Variants in PRICKLE3 observed in about 807,000 individuals in gnomAD.
PRICKLE3 encodes the protein LIM domain only protein 6.
PRICKLE3 carries 17 observed loss-of-function variants against 33.8 expected under a neutral mutation model. That is an observed-to-expected ratio of 0.50 (90% CI 0.34 to 0.75). The LOEUF (loss-of-function observed/expected upper bound fraction) is 0.75, where lower values mean the gene tolerates loss of function less well. Ranked by LOEUF, PRICKLE3 falls within the 30% of genes least tolerant of loss-of-function variation. The pLI, the probability that PRICKLE3 is intolerant of heterozygous loss-of-function variation, is 0.01. For missense variants in PRICKLE3, 573 were observed against 576.7 expected (o/e 0.99, Z 0.07); for synonymous variants, 211 against 219.6 (o/e 0.96, Z 0.34).
Position 49,178,027 on chromosome X carries a change from G to A in PRICKLE3, c.921C>T (p.His307=), listed in dbSNP as rs144984281. The change falls in exon 7 of 9, where the codon CAC becomes CAT. Residue 307 remains histidine, a synonymous_variant. Transcript: ENST00000599218. ...CCCCACAGCCATCACAGTACTCCGC[G>A]TGGCGGGCCTCGTAGCAGGCGCAGC... ...PHCCACYEAR[H]AEYCDGCGEH... The A allele has an allele frequency of 3.6e-5, 41 of 1,154,137 alleles. No homozygotes were observed. The highest frequency in any genetic ancestry group is 2.3e-4 in the African/African-American group (13 of 55,654).
chrX:49,183,628 C>G (rs966302668), intron 3 of PRICKLE3, 106 bp downstream of exon 3: 1 of 1,167,089 alleles, frequency 8.6e-7, no homozygotes, highest in Admixed American at 2.5e-5. Flanking sequence ...ACTGCACACT[C>G]TAGCGTAGCC....
intron 2 of PRICKLE3, 106 bp downstream of exon 2, chrX:49,184,519 C>T (rs1314341148): frequency 1.4e-6 from 1 of 724,208 alleles, no homozygotes; most frequent in South Asian, 3.0e-5. Flanking sequence ...AACTGAGATC[C>T]CTCTGTAGGC....
chrX:49,180,120 C>T (rs1417971642), intron 3 of PRICKLE3, among the ~76,000 whole-genome samples: 8 of 103,236 alleles, frequency 7.7e-5, no homozygotes, highest in Non-Finnish European at 1.6e-4. Context: ...CTGCAACCTC[C>T]GCCTCCTGGG....
intron 1 of PRICKLE3, 53 bp from the exon 2 acceptor site, chrX:49,184,763 G>A (rs2065475054): frequency 5.2e-6 from 6 of 1,160,414 alleles, no homozygotes; most frequent in Non-Finnish European, 6.9e-6. Context: ...AAGCAGGGAA[G>A]GAGAAGTCAA....
intron 2 of PRICKLE3, 105 bp downstream of exon 2, chrX:49,184,520 C>T: frequency 1.3e-6 from 1 of 742,847 alleles, no homozygotes; most frequent in South Asian, 2.9e-5. Context: ...ACTGAGATCC[C>T]TCTGTAGGCG....
chrX:49,186,269 C>T lies in PRICKLE3; in HGVS notation c.29G>A (p.Arg10His), dbSNP rs782200119. The T allele has an allele frequency of 1.5e-5, 17 of 1,153,966 alleles. No homozygotes were observed. The highest frequency in any genetic ancestry group is 2.0e-5 in the Non-Finnish European group (17 of 867,259). MFARGSRRR[R>H]SGRAPPEAED... ...ACTCCCGCTCACCGCACGCCCGGAG[C>T]GGCGCCTCCGGGACCCACGCGCGAA... The change falls in exon 1 of 9, where the codon CGC becomes CAC. Residue 10 changes from arginine (R) to histidine (H), a missense_variant. Transcript: ENST00000599218.
In PRICKLE3 at chrX:49,177,149, G is replaced by A. The variant is rs781886999; in HGVS notation, c.1009C>T (p.Arg337Cys). ...CCACAGCGACTACAGCAGAAGCAGC[G>A]GTCTGAGGCATGCCAGTGCTGGCCC... ...YEGQHWHASD[R>C]CFCCSRCGRA... is the part of the protein sequence containing the mutation. The change falls in exon 8 of 9, where the codon CGC (arginine) becomes TGC (cysteine). Residue 337 changes from arginine to cysteine, a missense_variant. Transcript: ENST00000599218. 1.6e-5 allele frequency: 19 copies of A among 1,196,400 alleles called. No homozygotes were observed. Among genetic ancestry groups the A allele is most frequent in the East Asian group, 3.0e-5 (1 of 33,293 alleles).
At position 49,177,073 on chromosome X, in the gene PRICKLE3, CAGA is replaced by C. The variant is rs1265349789; in HGVS notation, c.1082_1084del (p.Phe361del). ...GGACCCAAGGCTGCAGGCTCGAGAG[CAGA>C]AGATTAGGCCTCGGCGTGGCAGGAA... On this transcript the variant is annotated inframe_deletion, in exon 8 of 9. Transcript: ENST00000599218. 17 of 1,205,388 alleles carry C rather than the reference CAGA, an allele frequency of 1.4e-5. No individual in the cohort carries two copies. Among genetic ancestry groups the C allele is most frequent in the African/African-American group, 5.2e-5 (3 of 57,234 alleles).
At chrX:49,177,869 G>T in intron 7 of PRICKLE3, 124 bp downstream of exon 7, 1 of 796,672 alleles carries the variant, frequency 1.3e-6, no homozygotes, top group Non-Finnish European at 1.7e-6. Context: ...ATAGTGTTGG[G>T]GCTGGACAAA....
chrX:49,185,737 CTAAAAA>C (rs1190879551), intron 1 of PRICKLE3, among the ~76,000 whole-genome samples: 2 of 109,844 alleles, frequency 1.8e-5, no homozygotes, highest in South Asian at 3.9e-4. Context: ...CTTGTCTCTA[CTAAAAA>C]TACAAAAATT....
At position 49,178,288 on chromosome X, in the gene PRICKLE3, C is replaced by T; in HGVS notation, c.752G>A (p.Cys251Tyr). 8.3e-7 allele frequency: 1 copy of T among 1,199,293 alleles called. No homozygotes were observed. The change falls in exon 6 of 9, where the codon TGC becomes TAC. Residue 251 changes from cysteine to tyrosine, a missense_variant. Transcript: ENST00000599218. Reference sequence around the variant, plus strand: ...GGCCCAAACCTCGTCACAGGCTTGGCAGCGTGGACGCAGGCATTCGGCATG... The same window carrying T: ...GGCCCAAACCTCGTCACAGGCTTGGTAGCGTGGACGCAGGCATTCGGCATG... Reference protein sequence around the residue: ...RHHAECLRPRCQACDEIIFSP... With the variant: ...RHHAECLRPRYQACDEIIFSP...
At position 49,183,846 on chromosome X, in the gene PRICKLE3, C is replaced by T. The variant is rs782440522; in HGVS notation, c.200G>A (p.Arg67His). 117 of 1,209,542 alleles carry T rather than the reference C, an allele frequency of 9.7e-5. No individual in the cohort carries two copies. Among genetic ancestry groups the T allele is most frequent in the Non-Finnish European group, 1.3e-4 (113 of 894,951 alleles). The change falls in exon 3 of 9, where the codon CGC becomes CAC. Residue 67 changes from arginine (R) to histidine (H), a missense_variant. Transcript: ENST00000599218. Reference sequence around the variant, plus strand: ...GTCCGAGATTAGCCGACACATGATGCGTTCCAGGTCCACAGGCACCGCGTG... The same window carrying T: ...GTCCGAGATTAGCCGACACATGATGTGTTCCAGGTCCACAGGCACCGCGTG... ...AVHAVPVDLERIMCRLISDFQ... is the reference protein window; with the variant it reads ...AVHAVPVDLEHIMCRLISDFQ...
At position 49,177,148 on chromosome X, in the gene PRICKLE3, C is replaced by T. The variant is rs1557100244; in HGVS notation, c.1010G>A (p.Arg337His). 5 of 1,196,775 alleles carry T rather than the reference C, an allele frequency of 4.2e-6. No individual in the cohort carries two copies. Among genetic ancestry groups the T allele is most frequent in the Non-Finnish European group, 4.5e-6 (4 of 889,855 alleles). The part of the protein sequence containing the change: ...YEGQHWHASD[R>H]CFCCSRCGRA... ...CCCACAGCGACTACAGCAGAAGCAG[C>T]GGTCTGAGGCATGCCAGTGCTGGCC... is the stretch of plus-strand genomic sequence containing the variant. Residue 337 changes from arginine to histidine, a missense_variant, in exon 8 of 9, where the codon CGC becomes CAC. Transcript: ENST00000599218.
In PRICKLE3 at chrX:49,176,950, C is replaced by G. The variant is rs1557100143; in HGVS notation, c.1208G>C (p.Gly403Ala). Reference sequence around the variant, plus strand: ...GCCTTTGGTGGTGGTCTCTGATGCCCCCTTCACAGCAGAGAAAGAGGCTGT... The same window carrying G: ...GCCTTTGGTGGTGGTCTCTGATGCCGCCTTCACAGCAGAGAAAGAGGCTGT... Reference protein sequence around the residue: ...ASTASFSAVKGASETTTKGTS... With the variant: ...ASTASFSAVKAASETTTKGTS... The change falls in exon 8 of 9, where the codon GGG (glycine) becomes GCG (alanine). Residue 403 changes from glycine to alanine, a missense_variant. By Grantham distance (60) the Gly-to-Ala change is moderately conservative. Coordinates refer to ENST00000599218, the MANE Select transcript of PRICKLE3 (RefSeq NM_006150.5). The G allele has an allele frequency of 8.3e-7, 1 of 1,207,870 alleles. No homozygotes were observed.
intron 1 of PRICKLE3, among the ~76,000 whole-genome samples, chrX:49,185,746 CAAA>C (rs1482734831): frequency 9.1e-6 from 1 of 109,875 alleles, no homozygotes; most frequent in Non-Finnish European, 1.9e-5. Context: ...ACTAAAAATA[CAAA>C]AATTAGGCGG....
chrX:49,180,320 C>A (rs1230746757), intron 3 of PRICKLE3, among the ~76,000 whole-genome samples: 1 of 111,180 alleles, frequency 9.0e-6, no homozygotes, highest in Non-Finnish European at 1.9e-5. Context: ...GTGTGAGCCA[C>A]CGCGCCCAGT....
Position 49,185,242 on chromosome X carries a change from A to C in PRICKLE3, c.43-532T>G, listed in dbSNP as rs782680345. 9.0e-5 allele frequency among the ~76,000 whole-genome samples: 10 copies of C among 110,896 alleles called. No homozygotes were observed. The South Asian group carries it at 3.8e-3, about 42-fold the overall frequency. On this transcript the variant is annotated intron_variant, in intron 1 of 8. Transcript: ENST00000599218. Reference sequence around the variant, plus strand: ...CAGAAGCTCAGGAGCTCCTCCCCTAAACCCTGGCCTCATGCCCTGATACCC... The same window carrying C: ...CAGAAGCTCAGGAGCTCCTCCCCTACACCCTGGCCTCATGCCCTGATACCC...
At chrX:49,181,951 T>C (rs1602603016) in intron 3 of PRICKLE3, among the ~76,000 whole-genome samples, 1 of 96,951 alleles carries the variant, frequency 1.0e-5, no homozygotes, top group Non-Finnish European at 2.1e-5. Flanking sequence ...ACCCAGCCTA[T>C]TTTTTTTTTT....
intron 7 of PRICKLE3, 42 bp from the exon 8 acceptor site, chrX:49,177,244 C>T (rs962618228): frequency 2.8e-6 from 3 of 1,076,027 alleles, no homozygotes; most frequent in African/African-American, 1.9e-5. Flanking sequence ...GCAGAACCCC[C>T]AGGCGTAACC....
Sources: allele counts gnomAD v4.1 joint callset (sites outside exome capture counted in the v4.1 genomes callset), GRCh38; gene constraint gnomAD v4.1.1; transcripts MANE v1.5; gene names NCBI Gene and HGNC (gene_info 2026-07-23, HGNC 2026-07-21).